The following FER variants were observed in gnomAD, a reference collection of about 807,000 sequenced individuals.
FER encodes FER tyrosine kinase.
FER carries 63 observed loss-of-function variants against 111.0 expected under a neutral mutation model. That is an observed-to-expected ratio of 0.57 (90% CI 0.46 to 0.70). The LOEUF is 0.70. Ranked by LOEUF, FER falls within the 30% of genes least tolerant of loss-of-function variation. FER has a pLI of 0.00. For missense variants in FER, 914 were observed against 954.0 expected (o/e 0.96, Z 0.55); for synonymous variants, 327 against 313.9 (o/e 1.04, Z -0.44).
Position 108,845,041 on chromosome 5 carries a change from C to A in FER, c.481+9234C>A, listed in dbSNP as rs112390577. ...ATATATATATATATATATATATATA[C>A]ATATATATATATATATATATATATA... On this transcript the variant is annotated intron_variant, in intron 5 of 19. Transcript: ENST00000281092. Among the ~76,000 whole-genome samples the A allele has an allele frequency of 6.2e-4, 29 of 46,414 alleles. No homozygotes were observed. The South Asian group carries it at 0.01, about 16-fold the overall frequency. 30.4% of individuals were successfully genotyped at this position (46,414 alleles called of 152,430 possible).
chr5:108,826,153 C>T (rs1759445812), intron 3 of FER, among the ~76,000 whole-genome samples: 1 of 152,088 alleles, frequency 6.6e-6, no homozygotes, highest in Non-Finnish European at 1.5e-5. Context: ...TTGAATTTTG[C>T]CCAATACTCT....
In FER at chr5:108,798,241, G is replaced by A. The variant is rs1756260655; in HGVS notation, c.59G>A (p.Trp20Ter). 6.2e-7 allele frequency: 1 copy of A among 1,614,002 alleles called. No individual in the cohort carries two copies. Among genetic ancestry groups the A allele is most frequent in the Non-Finnish European group, 8.5e-7 (1 of 1,180,004 alleles). ...SHEAVLKLQDWELRLLETVKK... is the reference protein window; with the variant it reads ...SHEAVLKLQD ...GAAGCAGTGTTAAAATTGCAAGACT[G>A]GGAATTACGGTTACTGGAAACAGTA... Residue 20 changes from tryptophan to a stop codon, truncating the protein, a stop_gained, in exon 3 of 20, where the codon TGG becomes TAG. Transcript: ENST00000281092. LOFTEE classifies it high-confidence loss of function.
chr5:108,849,853 G>T lies in FER; in HGVS notation c.481+14046G>T, dbSNP rs113286767. ...ACATTGCCTTGATTCATGACAGAGAGAATAATAATAAAATTTTGTTTGTGA... is the reference window on the plus strand; with the variant it reads ...ACATTGCCTTGATTCATGACAGAGATAATAATAATAAAATTTTGTTTGTGA... On this transcript the variant is annotated intron_variant, in intron 5 of 19. Transcript: ENST00000281092. Among the ~76,000 whole-genome samples, 316 of 152,176 alleles carry T rather than the reference G, an allele frequency of 2.1e-3. 4 individuals carry two copies. The highest frequency in any genetic ancestry group is 6.9e-3 in the African/African-American group (287 of 41,496).
At chr5:108,850,176 A>G (rs1388865313) in intron 5 of FER, among the ~76,000 whole-genome samples, 1 of 151,504 alleles carries the variant, frequency 6.6e-6, no homozygotes, top group Non-Finnish European at 1.5e-5. Context: ...GCCTGGTGAC[A>G]GAGCAAGACT....
At chr5:109,015,534 C>G (rs2149814762) in intron 13 of FER, among the ~76,000 whole-genome samples, 1 of 151,854 alleles carries the variant, frequency 6.6e-6, no homozygotes, top group South Asian at 2.1e-4. Context: ...ATAGCCTTTT[C>G]CCTCAAAGAG....
intron 11 of FER, among the ~76,000 whole-genome samples, chr5:108,951,504 C>A (rs545029380): frequency 3.9e-5 from 6 of 152,172 alleles, no homozygotes; most frequent in Non-Finnish European, 5.9e-5. Flanking sequence ...TACTCTTTGT[C>A]ACCCTAGTGT....
intron 13 of FER, among the ~76,000 whole-genome samples, chr5:109,003,551 G>T (rs1765097932): frequency 1.3e-5 from 2 of 151,874 alleles, no homozygotes; most frequent in Non-Finnish European, 2.9e-5. Flanking sequence ...CACCAGCATG[G>T]CACATGTATA....
Position 109,186,296 on chromosome 5 carries a change from A to G in FER, c.2300A>G (p.Gln767Arg). 6.2e-7 allele frequency: 1 copy of G among 1,614,156 alleles called. No individual in the cohort carries two copies. The highest frequency in any genetic ancestry group is 8.5e-7 in the Non-Finnish European group (1 of 1,179,986). Residue 767 changes from glutamine (Q) to arginine (R), a missense_variant, in exon 19 of 20, where the codon CAG (glutamine) becomes CGG (arginine). Physicochemically the swap from Gln to Arg is conservative, Grantham distance 43. Transcript: ENST00000281092. ...TGTCCGTACCCTGGAATGACAAATC[A>G]GCAAGCAAGAGAGCAAGTAGAAAGA... is the stretch of plus-strand genomic sequence containing the variant. ...GVCPYPGMTN[Q>R]QAREQVERGY... is the part of the protein sequence containing the mutation.
At chr5:108,913,829 A>G (rs1228864483) in intron 10 of FER, among the ~76,000 whole-genome samples, 4 of 152,236 alleles carry the variant, frequency 2.6e-5, no homozygotes, top group African/African-American at 4.8e-5. Context: ...ATGAAAATGA[A>G]CAGATTACAA....
intron 13 of FER, among the ~76,000 whole-genome samples, chr5:108,986,109 G>T (rs188418389): frequency 0.12 from 17,515 of 150,596 alleles, 1,082 homozygotes; most frequent in Middle Eastern, 0.16. Flanking sequence ...ATTATTTTTT[G>T]TTTTTTTTAT....
intron 14 of FER, among the ~76,000 whole-genome samples, chr5:109,043,960 ACT>A (rs1771569886): frequency 6.6e-6 from 1 of 151,556 alleles, no homozygotes; most frequent in East Asian, 1.9e-4. Flanking sequence ...ACAGAGTGAG[ACT>A]CTGTCTCAGA....
At chr5:109,142,578 C>T (rs899235736) in intron 17 of FER, among the ~76,000 whole-genome samples, 4 of 152,052 alleles carry the variant, frequency 2.6e-5, no homozygotes, top group Admixed American at 6.6e-5. Context: ...AACCACTGTA[C>T]GACAGACTCT....
At chr5:108,773,526 T>G (rs558741486) in intron 2 of FER, among the ~76,000 whole-genome samples, 200 of 152,318 alleles carry the variant, frequency 1.3e-3, no homozygotes, top group African/African-American at 4.3e-3. Context: ...GGACATAATC[T>G]CATTCCTTTT....
At chr5:109,036,826 T>C (rs1770472449) in intron 13 of FER, among the ~76,000 whole-genome samples, 1 of 152,046 alleles carries the variant, frequency 6.6e-6, no homozygotes, top group African/African-American at 2.4e-5. Flanking sequence ...AATGGGATGC[T>C]CTCTTTCAAT....
chr5:109,029,510 A>C (rs1286527222), intron 13 of FER, among the ~76,000 whole-genome samples: 2 of 147,902 alleles, frequency 1.4e-5, no homozygotes, highest in African/African-American at 2.5e-5. Context: ...GGCCTGAAGC[A>C]ATCCTCCTGC....
chr5:108,753,576 TCTAA>T (rs1187264169), intron 1 of FER, among the ~76,000 whole-genome samples: 1 of 152,202 alleles, frequency 6.6e-6, no homozygotes, highest in Non-Finnish European at 1.5e-5. Flanking sequence ...GTCTTAAATC[TCTAA>T]CTAGTGCCCC....
intron 17 of FER, among the ~76,000 whole-genome samples, chr5:109,115,962 G>A (rs764140488): frequency 2.7e-4 from 41 of 151,988 alleles, no homozygotes; most frequent in Non-Finnish European, 5.6e-4. Flanking sequence ...CCATCAGGAG[G>A]TTTTTCATAT....
At chr5:108,916,555 T>G (rs1752296859) in intron 10 of FER, among the ~76,000 whole-genome samples, 1 of 152,280 alleles carries the variant, frequency 6.6e-6, no homozygotes, top group Admixed American at 6.5e-5. Flanking sequence ...ACTTCAATTA[T>G]CTATTAATTA....
chr5:109,155,636 A>G (rs1755286422), intron 17 of FER, among the ~76,000 whole-genome samples: 1 of 151,962 alleles, frequency 6.6e-6, no homozygotes, highest in Non-Finnish European at 1.5e-5. Context: ...AAAGTCTACA[A>G]ATATTGTCTT....
Sources: allele counts gnomAD v4.1 joint callset (sites outside exome capture counted in the v4.1 genomes callset), GRCh38; gene constraint gnomAD v4.1.1; transcripts MANE v1.5; gene names NCBI Gene and HGNC (gene_info 2026-07-23, HGNC 2026-07-21).